Variants in ARHGEF7 observed in about 807,000 individuals in gnomAD.
The protein encoded by ARHGEF7 is PAK-interacting exchange factor beta.
A neutral mutation model predicts 109.8 loss-of-function variants in ARHGEF7; 33 were observed. The ratio of observed to expected loss-of-function variants is 0.30; its 90% CI spans 0.23 to 0.40. The LOEUF is 0.40. ARHGEF7 is among the 10% of genes least tolerant of loss of function. The pLI is 1.00. For missense variants in ARHGEF7, 938 were observed against 1,098.5 expected (o/e 0.85, Z 2.07); for synonymous variants, 458 against 424.6 (o/e 1.08, Z -0.97).
chr13:111,198,106 G>A (rs959431911), intron 2 of ARHGEF7, among the ~76,000 whole-genome samples: 4 of 152,000 alleles, frequency 2.6e-5, no homozygotes, highest in Non-Finnish European at 2.9e-5. Flanking sequence ...CTGGTACCAG[G>A]CAAACCACCG....
rs942098862 is a variant in ARHGEF7, at chr13:111,305,370, G to A, written c.*2257G>A. The A allele has an allele frequency of 6.6e-6, 1 of 152,254 alleles. No individual in the cohort carries two copies. The highest frequency in any genetic ancestry group is 2.1e-4 in the South Asian group (1 of 4,832). The allele number at this position is 152,254 out of a possible 1,614,324, so 9.4% of individuals were successfully genotyped here. On this transcript the variant is annotated 3_prime_UTR_variant, in exon 22 of 22. Transcript: ENST00000646102. ...TAAAGGGGCCACGATTTGCCCGAGG[G>A]TTACTCCTTTGCTCTCACCTTGTAT...
intron 12 of ARHGEF7, among the ~76,000 whole-genome samples, chr13:111,276,756 CTT>C (rs1287225137): frequency 1.3e-5 from 2 of 152,168 alleles, no homozygotes; most frequent in African/African-American, 4.8e-5. Flanking sequence ...ACGGAAGACT[CTT>C]TTCTCAAGGT....
intron 2 of ARHGEF7, among the ~76,000 whole-genome samples, chr13:111,161,027 A>G (rs896290998): frequency 8.5e-5 from 13 of 152,224 alleles, no homozygotes; most frequent in South Asian, 2.1e-4. Context: ...TTGAGTACCA[A>G]TGTGACACTC....
At chr13:111,126,967 C>T (rs532296809) in intron 1 of ARHGEF7, among the ~76,000 whole-genome samples, 2 of 152,086 alleles carry the variant, frequency 1.3e-5, no homozygotes, top group Admixed American at 6.5e-5. Context: ...AAATTACTAG[C>T]GAGAACAAAC....
chr13:111,209,829 A>G, intron 3 of ARHGEF7, 43 bp from the exon 4 acceptor site: 3 of 1,602,212 alleles, frequency 1.9e-6, no homozygotes, highest in South Asian at 1.1e-5. Flanking sequence ...GCGTGGTATC[A>G]GGCGCTCTCA....
intron 19 of ARHGEF7, chr13:111,293,059 TC>T (rs1300625987): frequency 3.0e-6 from 3 of 985,328 alleles, no homozygotes; most frequent in Non-Finnish European, 3.6e-6. Flanking sequence ...ACCCCAAACT[TC>T]CCTGAATTGC....
chr13:111,194,481 A>G (rs758737079), intron 2 of ARHGEF7, among the ~76,000 whole-genome samples: 1 of 152,204 alleles, frequency 6.6e-6, no homozygotes, highest in Non-Finnish European at 1.5e-5. Flanking sequence ...AGGATAAGCC[A>G]GTATAGGCCG....
chr13:111,179,748 G>A (rs888873050), intron 2 of ARHGEF7, among the ~76,000 whole-genome samples: 2 of 152,118 alleles, frequency 1.3e-5, no homozygotes, highest in African/African-American at 2.4e-5. Flanking sequence ...AGGATTTGAC[G>A]CTTTTGAAGA....
rs1464236851 is a variant in ARHGEF7, at chr13:111,272,711, C to T, written c.1074-1103C>T. 6.6e-6 allele frequency among the ~76,000 whole-genome samples: 1 copy of T among 152,132 alleles called. No homozygotes were observed. Among genetic ancestry groups the T allele is most frequent in the Non-Finnish European group, 1.5e-5 (1 of 68,012 alleles). ...CATCCTGGTCTGGACCTGGCATCGG[C>T]TGCCAGCGCTGGTGCTGCCTCCCCT... is the stretch of plus-strand genomic sequence containing the variant. On this transcript the variant is annotated intron_variant, in intron 9 of 21. Coordinates refer to ENST00000646102, the MANE Select transcript of ARHGEF7 (RefSeq NM_001354046.2). This position sits in a 1 kb window ranked among gnomAD's most constrained non-coding sequence, Gnocchi z 5.2.
intron 5 of ARHGEF7, among the ~76,000 whole-genome samples, chr13:111,231,758 G>A (rs956245770): frequency 6.6e-6 from 1 of 152,176 alleles, no homozygotes; most frequent in Non-Finnish European, 1.5e-5. Context: ...GGCATGGACT[G>A]TAGGCAGGTG....
In ARHGEF7 at chr13:111,221,362, T is replaced by G. The variant is rs868430248; in HGVS notation, c.670+3482T>G. On this transcript the variant is annotated intron_variant, in intron 5 of 21. Coordinates refer to ENST00000646102, the MANE Select transcript of ARHGEF7 (RefSeq NM_001354046.2). ...ATATCTATATATATGTCTATATATA[T>G]ATCTATATATATATCTATATATATA... Among the ~76,000 whole-genome samples, 18 of 36,756 alleles carry G rather than the reference T, an allele frequency of 4.9e-4. 4 individuals carry two copies. The highest frequency in any genetic ancestry group is 1.5e-3 in the African/African-American group (17 of 11,648). The allele number at this position is 36,756 out of a possible 152,430, so 24.1% of individuals were successfully genotyped here.
intron 2 of ARHGEF7, chr13:111,202,999 C>G: frequency 8.8e-7 from 1 of 1,133,462 alleles, no homozygotes; most frequent in South Asian, 1.6e-5. Context: ...TTCAGCCAAT[C>G]AGATGCTTCC....
intron 2 of ARHGEF7, among the ~76,000 whole-genome samples, chr13:111,162,810 T>G (rs2076847603): frequency 6.6e-6 from 1 of 152,174 alleles, no homozygotes; most frequent in Non-Finnish European, 1.5e-5. Flanking sequence ...TATTAACACT[T>G]TTGAAAGAAT....
chr13:111,224,076 C>T (rs946041518), intron 5 of ARHGEF7, among the ~76,000 whole-genome samples: 1 of 152,142 alleles, frequency 6.6e-6, no homozygotes, highest in Non-Finnish European at 1.5e-5. Flanking sequence ...AGGCTGGCCT[C>T]GAACACCTGA....
At chr13:111,176,447 C>A (rs531836433) in intron 2 of ARHGEF7, among the ~76,000 whole-genome samples, 2 of 152,192 alleles carry the variant, frequency 1.3e-5, no homozygotes, top group African/African-American at 2.4e-5. Context: ...AGATGGCCGG[C>A]CCCTGGAACT....
At chr13:111,236,714 C>G (rs181051117) in intron 6 of ARHGEF7, among the ~76,000 whole-genome samples, 2 of 152,268 alleles carry the variant, frequency 1.3e-5, no homozygotes, top group Non-Finnish European at 2.9e-5. Flanking sequence ...CACCTGTAAT[C>G]CCAACACTTT....
chr13:111,224,936 AT>A (rs1262054173), intron 5 of ARHGEF7, among the ~76,000 whole-genome samples: 1 of 152,172 alleles, frequency 6.6e-6, no homozygotes, highest in East Asian at 1.9e-4. Flanking sequence ...TCAAGATGTA[AT>A]TGTTTTTAAA....
intron 5 of ARHGEF7, among the ~76,000 whole-genome samples, chr13:111,225,228 A>G (rs1479122998): frequency 6.6e-6 from 1 of 152,176 alleles, no homozygotes; most frequent in African/African-American, 2.4e-5. Flanking sequence ...GTCTTCCAGT[A>G]TTAGAGCTTC....
At position 111,304,935 on chromosome 13, in the gene ARHGEF7, A is replaced by T. The variant is rs1336832340; in HGVS notation, c.*1822A>T. Reference sequence around the variant, plus strand: ...TTGCAGTGGGAAACCATTCAACTTGAGTTTATTGGAGTTTGCTGTTGTAGC... The same window carrying T: ...TTGCAGTGGGAAACCATTCAACTTGTGTTTATTGGAGTTTGCTGTTGTAGC... On this transcript the variant is annotated 3_prime_UTR_variant, in exon 22 of 22. Coordinates refer to ENST00000646102, the MANE Select transcript of ARHGEF7 (RefSeq NM_001354046.2). 3 of 152,142 alleles carry T rather than the reference A, an allele frequency of 2.0e-5. No individual in the cohort carries two copies. The highest frequency in any genetic ancestry group is 2.9e-5 in the Non-Finnish European group (2 of 68,034). 9.4% of individuals were successfully genotyped at this position (152,142 alleles called of 1,614,324 possible).
Sources: gnomAD v4.1 joint callset for allele counts (sites outside exome capture counted in the v4.1 genomes callset) on GRCh38, gnomAD v4.1.1 for gene constraint, Gnocchi (gnomAD v3.1) non-coding constraint, MANE v1.5 for transcripts, NCBI Gene and HGNC (gene_info 2026-07-23, HGNC 2026-07-21) for gene names.